Variants in PAM observed in about 807,000 individuals in gnomAD.
The protein encoded by PAM is peptidylglycine alpha-amidating monooxygenase, also known as peptidyl-glycine alpha-amidating monooxygenase.
Under a neutral mutation model 122.1 loss-of-function variants are expected in PAM, and 72 were observed. The ratio of observed to expected loss-of-function variants is 0.59; its 90% CI spans 0.49 to 0.72. PAM has a LOEUF of 0.72. Ranked by LOEUF, PAM falls within the 30% of genes least tolerant of loss-of-function variation. The pLI is 0.00. For synonymous variants in PAM, 389 were observed against 404.4 expected (o/e 0.96, Z 0.46); for missense variants, 1,106 against 1,183.7 (o/e 0.93, Z 0.96).
intron 5 of PAM, among the ~76,000 whole-genome samples, chr5:102,923,685 ACCGCACTGAG>A (rs1028993931): frequency 6.6e-6 from 1 of 152,244 alleles, no homozygotes; most frequent in African/African-American, 2.4e-5. Context: ...TATCTGAGTT[ACCGCACTGAG>A]TGCCTTATGC....
intron 20 of PAM, among the ~76,000 whole-genome samples, chr5:103,008,288 C>A (rs1379712465): frequency 6.6e-6 from 1 of 151,752 alleles, no homozygotes; most frequent in Non-Finnish European, 1.5e-5. Flanking sequence ...CATACAATTA[C>A]AATTTTTTTA....
intron 24 of PAM, among the ~76,000 whole-genome samples, chr5:103,027,091 CT>C (rs948288547): frequency 1.3e-5 from 2 of 152,232 alleles, no homozygotes; most frequent in Admixed American, 6.5e-5. Context: ...CAGCTTCTCA[CT>C]TTTTTTCTGA....
chr5:102,962,654 AC>A (rs2150265938), intron 14 of PAM, among the ~76,000 whole-genome samples: 1 of 151,950 alleles, frequency 6.6e-6, no homozygotes, highest in Non-Finnish European at 1.5e-5. Flanking sequence ...CAAGGGAAAC[AC>A]TGACACTTCT....
At position 103,029,254 on chromosome 5, in the gene PAM, A is replaced by G; in HGVS notation, c.*189A>G. The G allele has an allele frequency of 6.9e-6, 3 of 434,812 alleles. No individual in the cohort carries two copies. Among genetic ancestry groups the G allele is most frequent in the Non-Finnish European group, 8.1e-6 (2 of 248,334 alleles). 26.9% of individuals were successfully genotyped at this position (434,812 alleles called of 1,614,324 possible). On this transcript the variant is annotated 3_prime_UTR_variant, in exon 26 of 26. Transcript: ENST00000438793. Reference sequence around the variant, plus strand: ...TAGTTGAGGAGTTTCCTAAAAGTTCATAACAGTGCCATTGTCTTTATATGA... The same window carrying G: ...TAGTTGAGGAGTTTCCTAAAAGTTCGTAACAGTGCCATTGTCTTTATATGA...
At chr5:102,948,280 C>G (rs963597781) in intron 8 of PAM, 98 bp from the exon 9 acceptor site, 2 of 616,600 alleles carry the variant, frequency 3.2e-6, no homozygotes, top group African/African-American at 3.8e-5. Context: ...AAAAGCATCA[C>G]ATTTTATAAA....
At chr5:102,860,451 G>GT (rs1465881703) in intron 1 of PAM, among the ~76,000 whole-genome samples, 1 of 152,172 alleles carries the variant, frequency 6.6e-6, no homozygotes, top group Non-Finnish European at 1.5e-5. Flanking sequence ...GGAAGGGCGA[G>GT]GTGGGGGAAT....
chr5:102,896,233 G>T (rs981585173), intron 3 of PAM, among the ~76,000 whole-genome samples: 1 of 151,664 alleles, frequency 6.6e-6, no homozygotes, highest in Non-Finnish European at 1.5e-5. Context: ...TCCCATAGAA[G>T]AGCGCTTGCC....
chr5:102,909,096 T>A (rs551787645), intron 4 of PAM, among the ~76,000 whole-genome samples: 2 of 151,958 alleles, frequency 1.3e-5, no homozygotes, highest in South Asian at 4.1e-4. Context: ...ATTTTTTTTA[T>A]TCATGACATA....
intron 1 of PAM, among the ~76,000 whole-genome samples, chr5:102,849,382 C>A (rs904438728): frequency 1.3e-5 from 2 of 151,888 alleles, no homozygotes; most frequent in East Asian, 3.9e-4. Context: ...CACAGTGAAA[C>A]CCTGTCTCTA....
At chr5:103,027,813 G>C (rs1430009129) in intron 24 of PAM, among the ~76,000 whole-genome samples, 1 of 152,078 alleles carries the variant, frequency 6.6e-6, no homozygotes, top group African/African-American at 2.4e-5. Context: ...AAATAGCTAT[G>C]ATTTATTGAG....
intron 7 of PAM, among the ~76,000 whole-genome samples, chr5:102,927,615 G>A (rs556872769): frequency 6.6e-6 from 1 of 152,174 alleles, no homozygotes; most frequent in Non-Finnish European, 1.5e-5. Flanking sequence ...GCCCCATGGG[G>A]TAGAAAGGAC....
rs1231833809 is a variant in PAM at position 102,894,815 on chromosome 5, T to C, written c.211-6541T>C. 2.0e-5 allele frequency among the ~76,000 whole-genome samples: 3 copies of C among 151,734 alleles called. No homozygotes were observed. The East Asian group carries it at 5.8e-4, about 30-fold the overall frequency. ...GGAGTTATTCTCAACACTGCCTCCT[T>C]ACCTTCCTTTCAAATCCACTCCCCA... On this transcript the variant is annotated intron_variant, in intron 3 of 25. Transcript: ENST00000438793.
At chr5:102,754,913 G>A (rs866744406), upstream of PAM, 10 of 152,452 alleles carry the variant, frequency 6.6e-5, no homozygotes, top group Middle Eastern at 3.4e-3. Context: ...ACTTGGGCAA[G>A]AGTTCCAGCT....
At chr5:102,944,553 C>G (rs1436154006) in intron 7 of PAM, among the ~76,000 whole-genome samples, 1 of 152,104 alleles carries the variant, frequency 6.6e-6, no homozygotes, top group Non-Finnish European at 1.5e-5. Context: ...TCATGATCAA[C>G]ACAAAAATGA....
intron 1 of PAM, among the ~76,000 whole-genome samples, chr5:102,767,317 C>A (rs1048629857): frequency 1.3e-5 from 2 of 151,850 alleles, no homozygotes; most frequent in African/African-American, 4.8e-5. Context: ...ATAAGTGCAC[C>A]TTTTGTGGCG....
intron 14 of PAM, among the ~76,000 whole-genome samples, chr5:102,967,326 T>G (rs1299065705): frequency 6.6e-6 from 1 of 152,172 alleles, no homozygotes; most frequent in African/African-American, 2.4e-5. Context: ...ACAATTGAAT[T>G]CCTTAAAAGA....
At chr5:102,988,933 A>G (rs1773096732) in intron 15 of PAM, among the ~76,000 whole-genome samples, 1 of 152,138 alleles carries the variant, frequency 6.6e-6, no homozygotes, top group Admixed American at 6.5e-5. Flanking sequence ...TTCATAGCTG[A>G]TCATATAAGC....
At chr5:102,804,013 A>G (rs1221771606) in intron 1 of PAM, among the ~76,000 whole-genome samples, 1 of 152,132 alleles carries the variant, frequency 6.6e-6, no homozygotes, top group Non-Finnish European at 1.5e-5. Flanking sequence ...AGGGAGGAGA[A>G]ACAGGAGAAG....
intron 15 of PAM, among the ~76,000 whole-genome samples, chr5:102,983,446 C>CAAAAAAAAAAAAAA (rs70990421): frequency 1.3e-4 from 13 of 103,570 alleles, no homozygotes; most frequent in African/African-American, 4.7e-4. Context: ...TGAGACTGTC[C>CAAAAAAAAAAAAAA]AAAAAAAAAA....
Sources: allele counts gnomAD v4.1 joint callset (sites outside exome capture counted in the v4.1 genomes callset), GRCh38; gene constraint gnomAD v4.1.1; transcripts MANE v1.5; gene names NCBI Gene and HGNC (gene_info 2026-07-23, HGNC 2026-07-21).